Variants in MYPN observed in about 807,000 individuals in gnomAD.
MYPN encodes the protein myopalladin.
Under a neutral mutation model 129.4 loss-of-function variants are expected in MYPN, and 63 were observed. The observed-to-expected ratio is 0.49, with a 90% CI of 0.40 to 0.60. The LOEUF is 0.60. Ranked by LOEUF, MYPN falls within the 20% of genes least tolerant of loss-of-function variation. The pLI is 0.00. For synonymous variants in MYPN, 629 were observed against 600.9 expected, an observed-to-expected ratio of 1.05 and a Z score of -0.68; for missense variants, 1,596 against 1,635.4, an observed-to-expected ratio of 0.98 and a Z score of 0.42.
chr10:68,099,829 A>G (rs2041973746), intron 1 of MYPN, among the ~76,000 whole-genome samples: 1 of 152,144 alleles, frequency 6.6e-6, no homozygotes, highest in Non-Finnish European at 1.5e-5. Flanking sequence ...ATATCACCAG[A>G]TGTCTCCATC....
rs2043905686 is a variant in MYPN at position 68,211,051 on chromosome 10, C to A, written c.*596C>A. 4.4e-6 allele frequency: 2 copies of A among 453,972 alleles called. No individual in the cohort carries two copies. Among genetic ancestry groups the A allele is most frequent in the Non-Finnish European group, 8.8e-6 (2 of 226,810 alleles). 28.1% of individuals were successfully genotyped at this position (453,972 alleles called of 1,614,324 possible). A position where few individuals can be genotyped will look rare whatever the true frequency, so the allele number is the denominator to read the frequency against. On this transcript the variant is annotated 3_prime_UTR_variant, in exon 20 of 20. Coordinates refer to ENST00000358913, the MANE Select transcript of MYPN (RefSeq NM_032578.4). Reference sequence around the variant, plus strand: ...TGTACTGAGCCACATAATAAGGTGTCAAAATGTGCTTGAGATTCCAAAAAC... The same window carrying A: ...TGTACTGAGCCACATAATAAGGTGTAAAAATGTGCTTGAGATTCCAAAAAC...
rs139138260 is a variant in MYPN, at chr10:68,206,844, C to T, written c.3734C>T (p.Thr1245Met). The part of the protein sequence containing the change: ...PAKKSDAGWY[T>M]LSAKNEAGIV... ...AAGAAATCAGACGCTGGATGGTACA[C>T]GTTGTCAGCCAAGAATGAAGCCGGC... Residue 1245 changes from threonine (T) to methionine (M), a missense_variant, in exon 19 of 20, where the codon ACG becomes ATG. Physicochemically the swap from Thr to Met is moderately conservative, Grantham distance 81. Coordinates refer to ENST00000358913, the MANE Select transcript of MYPN (RefSeq NM_032578.4). 17 of 1,614,108 alleles carry T rather than the reference C, an allele frequency of 1.1e-5. No individual in the cohort carries two copies. The African/African-American group carries it at 1.3e-4, about 13-fold the overall frequency.
intron 12 of MYPN, among the ~76,000 whole-genome samples, chr10:68,179,244 C>A (rs2043276695): frequency 6.6e-6 from 1 of 152,118 alleles, no homozygotes; most frequent in Non-Finnish European, 1.5e-5. Flanking sequence ...TCACATTGGC[C>A]TTACATTCTA....
chr10:68,178,001 T>C (rs2043254552), intron 12 of MYPN, among the ~76,000 whole-genome samples: 1 of 152,224 alleles, frequency 6.6e-6, no homozygotes, highest in Admixed American at 6.5e-5. Flanking sequence ...TGAATATTAC[T>C]GACTATAAAC....
chr10:68,123,381 A>G (rs1307300197), intron 2 of MYPN, among the ~76,000 whole-genome samples: 3 of 151,274 alleles, frequency 2.0e-5, no homozygotes, highest in South Asian at 4.2e-4. Flanking sequence ...CTCCATCTCA[A>G]AATGAGTAAA....
At chr10:68,118,877 T>TGAAGGAAGGAAGGAAGGAAG (rs10661735) in intron 1 of MYPN, among the ~76,000 whole-genome samples, 184 of 122,518 alleles carry the variant, frequency 1.5e-3, no homozygotes, top group Admixed American at 3.4e-3. Context: ...AAAAGAGTGA[T>TGAAGGAAGGAAGGAAGGAAG]GAAGGAAGGA....
intron 16 of MYPN, among the ~76,000 whole-genome samples, chr10:68,198,230 A>G (rs894897482): frequency 1.3e-5 from 2 of 152,192 alleles, no homozygotes; most frequent in African/African-American, 2.4e-5. Flanking sequence ...TGTGATTTTC[A>G]CATCCTTGAA....
At chr10:68,195,565 C>T in intron 15 of MYPN, 33 bp downstream of exon 15, 4 of 1,561,118 alleles carry the variant, frequency 2.6e-6, no homozygotes, top group Non-Finnish European at 3.5e-6. Context: ...CTCTCTAGGC[C>T]CTTCCCAAGC....
chr10:68,144,431 T>C (rs2042628549), intron 3 of MYPN, among the ~76,000 whole-genome samples: 1 of 152,200 alleles, frequency 6.6e-6, no homozygotes, highest in East Asian at 1.9e-4. Flanking sequence ...ACTTACATAG[T>C]ACCAAGTACA....
At chr10:68,162,797 A>G (rs924008086) in intron 8 of MYPN, among the ~76,000 whole-genome samples, 6 of 152,154 alleles carry the variant, frequency 3.9e-5, no homozygotes, top group African/African-American at 1.2e-4. Flanking sequence ...TCTCTACTAA[A>G]TTTACAAAAA....
intron 18 of MYPN, among the ~76,000 whole-genome samples, chr10:68,205,549 T>C (rs1301768448): frequency 6.7e-6 from 1 of 148,576 alleles, no homozygotes; most frequent in African/African-American, 2.5e-5. Context: ...TAGGCAGGCA[T>C]GGTGGCAGGC....
chr10:68,148,322 T>C, intron 4 of MYPN, 31 bp from the exon 5 acceptor site: 2 of 1,529,304 alleles, frequency 1.3e-6, no homozygotes, highest in Non-Finnish European at 1.8e-6. Context: ...GATAGGTCTA[T>C]TTTATAATCT....
chr10:68,094,239 A>G (rs1452357917), intron 1 of MYPN, among the ~76,000 whole-genome samples: 3 of 151,886 alleles, frequency 2.0e-5, no homozygotes, highest in Admixed American at 6.6e-5. Flanking sequence ...GCAGCCCAGC[A>G]GGTCTCGGCC....
intron 11 of MYPN, among the ~76,000 whole-genome samples, chr10:68,174,935 C>G (rs2043203655): frequency 6.6e-6 from 1 of 151,998 alleles, no homozygotes; most frequent in African/African-American, 2.4e-5. Context: ...TGGTGTTTGA[C>G]AGCAGCCTGG....
chr10:68,197,484 C>T lies in MYPN; in HGVS notation c.3285+6C>T. 1 of 1,613,444 alleles carries T rather than the reference C, an allele frequency of 6.2e-7. No individual in the cohort carries two copies. Among genetic ancestry groups the T allele is most frequent in the South Asian group, 1.1e-5 (1 of 91,062 alleles). On this transcript the variant is annotated splice_donor_region_variant and intron_variant, in intron 16 of 19. Coordinates refer to ENST00000358913, the MANE Select transcript of MYPN (RefSeq NM_032578.4). ...TCTGTCGGCTGGACTGTAAGGTAGA[C>T]TCCAGCACCCATGCTTAGTTCCAGA...
intron 13 of MYPN, among the ~76,000 whole-genome samples, chr10:68,192,262 G>A (rs940890145): frequency 2.4e-4 from 36 of 152,208 alleles, no homozygotes; most frequent in African/African-American, 8.2e-4. Flanking sequence ...TGATCATATG[G>A]TTTTTGTCTT....
intron 10 of MYPN, among the ~76,000 whole-genome samples, chr10:68,172,938 T>C (rs1423056348): frequency 6.6e-6 from 1 of 151,960 alleles, no homozygotes; most frequent in Non-Finnish European, 1.5e-5. Flanking sequence ...CCGGGCATGG[T>C]GGCAGACACC....
At chr10:68,172,169 C>T (rs1422516404) in intron 10 of MYPN, among the ~76,000 whole-genome samples, 7 of 151,926 alleles carry the variant, frequency 4.6e-5, no homozygotes, top group Non-Finnish European at 2.9e-5. Context: ...GCCTGGGCAA[C>T]ATGACGAGAC....
Position 68,174,146 on chromosome 10 carries a change from C to G in MYPN, c.2054C>G (p.Pro685Arg). ...TTGCAAAACCCACCTCCTTCATCTC[C>G]TAAGGAGTTTCCTTTCAGCATGACT... ...HQLQNPPPSS[P>R]KEFPFSMTVL... Residue 685 changes from proline to arginine, a missense_variant, in exon 11 of 20, where the codon CCT becomes CGT. Transcript: ENST00000358913. 6.2e-7 allele frequency: 1 copy of G among 1,614,054 alleles called. No individual in the cohort carries two copies. Among genetic ancestry groups the G allele is most frequent in the East Asian group, 2.2e-5 (1 of 44,880 alleles).
Sources: allele counts gnomAD v4.1 joint callset (sites outside exome capture counted in the v4.1 genomes callset), GRCh38; gene constraint gnomAD v4.1.1; transcripts MANE v1.5; gene names NCBI Gene and HGNC (gene_info 2026-07-23, HGNC 2026-07-21).